Variants in SULT2B1 observed in about 807,000 individuals in gnomAD.
The protein encoded by SULT2B1 is sulfotransferase 2B1.
SULT2B1 carries 16 observed loss-of-function variants against 33.2 expected under a neutral mutation model. The ratio of observed to expected loss-of-function variants is 0.48; its 90% CI spans 0.33 to 0.73. SULT2B1 has a LOEUF of 0.73. Ranked by LOEUF, SULT2B1 falls within the 30% of genes least tolerant of loss-of-function variation. The pLI, the probability that SULT2B1 is intolerant of heterozygous loss-of-function variation, is 0.02. For synonymous variants in SULT2B1, 186 were observed against 200.5 expected (o/e 0.93, Z 0.61); for missense variants, 500 against 506.0 (o/e 0.99, Z 0.11).
Position 48,552,420 on chromosome 19 carries a change from C to T in SULT2B1, c.71+97C>T, listed in dbSNP as rs1023714892. 23 of 1,332,124 alleles carry T rather than the reference C, an allele frequency of 1.7e-5. No individual in the cohort carries two copies. Among genetic ancestry groups the T allele is most frequent in the Middle Eastern group, 2.3e-4 (1 of 4,290 alleles). The allele number at this position is 1,332,124 out of a possible 1,614,324, so 82.5% of individuals were successfully genotyped here. On this transcript the variant is annotated intron_variant, in intron 1 of 6. Transcript: ENST00000201586. The surrounding 1 kb of genome is among the most constrained non-coding windows in gnomAD (Gnocchi z 4.8). ...GTGGCAAGGGTGGCCTCCAGCCACC[C>T]GCAGCCGCAGGCCTGGCCCAGACTT...
In SULT2B1 at chr19:48,579,430, C is replaced by T. The variant is rs554001242; in HGVS notation, c.214+3347C>T. Among the ~76,000 whole-genome samples the T allele has an allele frequency of 7.3e-5, 11 of 151,604 alleles. 1 individual carries two copies. The South Asian group carries it at 2.3e-3, about 32-fold the overall frequency. Reference sequence around the variant, plus strand: ...CCCAATTAGCTGGGACTACAGGCGCCCACCACCATACCCAGCTAATTTTTT... The same window carrying T: ...CCCAATTAGCTGGGACTACAGGCGCTCACCACCATACCCAGCTAATTTTTT... On this transcript the variant is annotated intron_variant, in intron 2 of 6. Coordinates refer to ENST00000201586, the MANE Select transcript of SULT2B1 (RefSeq NM_177973.2).
At chr19:48,553,990 C>A (rs539258984) in intron 1 of SULT2B1, among the ~76,000 whole-genome samples, 1 of 152,024 alleles carries the variant, frequency 6.6e-6, no homozygotes, top group African/African-American at 2.4e-5. Context: ...ATCTCCGCGA[C>A]GGCTCTGCCA....
In SULT2B1 at chr19:48,564,551, CAAAAAAA is replaced by C. The variant is rs770217698; in HGVS notation, c.72-11372_72-11366del. Among the ~76,000 whole-genome samples the C allele has an allele frequency of 2.4e-4, 14 of 57,644 alleles. No homozygotes were observed. In the South Asian group the frequency reaches 3.7e-3, roughly 15 times the overall value. 37.8% of individuals were successfully genotyped at this position (57,644 alleles called of 152,430 possible). A position where few individuals can be genotyped will look rare whatever the true frequency, so the allele number is the denominator to read the frequency against. On this transcript the variant is annotated intron_variant, in intron 1 of 6. Coordinates refer to ENST00000201586, the MANE Select transcript of SULT2B1 (RefSeq NM_177973.2). ...TGGGCAACAGAGCGAGACTCCGTCT[CAAAAAAA>C]AAAAAAAAAAAAAAAAAGAAAGAAA...
intron 1 of SULT2B1, among the ~76,000 whole-genome samples, chr19:48,562,342 G>A (rs1175894790): frequency 2.0e-5 from 3 of 151,638 alleles, no homozygotes; most frequent in African/African-American, 7.3e-5. Flanking sequence ...GAGCTGAGAT[G>A]GCCATTGCAC....
chr19:48,564,577 A>G (rs1445659800), intron 1 of SULT2B1, among the ~76,000 whole-genome samples: 3 of 144,712 alleles, frequency 2.1e-5, no homozygotes, highest in Non-Finnish European at 3.0e-5. Context: ...AAAAAAAAAG[A>G]AAGAAAAAAA....
rs919520354 is a variant in SULT2B1, at chr19:48,584,299, T to G, written c.215-2930T>G. 1.7e-4 allele frequency among the ~76,000 whole-genome samples: 26 copies of G among 152,220 alleles called. 1 individual carries two copies. Among genetic ancestry groups the G allele is most frequent in the Non-Finnish European group, 3.2e-4 (22 of 68,018 alleles). ...CATGACCCACTGGGTGACTGAGAAG[T>G]TCACTGAAGTGCAACAGGCCACTGA... On this transcript the variant is annotated intron_variant, in intron 2 of 6. Coordinates refer to ENST00000201586, the MANE Select transcript of SULT2B1 (RefSeq NM_177973.2).
At chr19:48,569,654 A>G (rs78148216) in intron 1 of SULT2B1, among the ~76,000 whole-genome samples, 97,463 of 149,662 alleles carry the variant, frequency 0.65, 32,123 homozygotes, top group African/African-American at 0.76. Context: ...ATGAGCCACC[A>G]TGCCTGGCCT....
intron 2 of SULT2B1, among the ~76,000 whole-genome samples, chr19:48,581,893 T>A (rs977930022): frequency 1.2e-3 from 59 of 49,194 alleles, no homozygotes; most frequent in South Asian, 8.9e-3. Flanking sequence ...TATTATTATA[T>A]TATTATTATT....
At chr19:48,563,751 G>A (rs531018084) in intron 1 of SULT2B1, among the ~76,000 whole-genome samples, 1 of 152,002 alleles carries the variant, frequency 6.6e-6, no homozygotes, top group South Asian at 2.1e-4. Context: ...GATCACTTGA[G>A]GCCAGGAGTT....
At chr19:48,594,694 G>C (rs1973687225) in intron 5 of SULT2B1, among the ~76,000 whole-genome samples, 1 of 152,202 alleles carries the variant, frequency 6.6e-6, no homozygotes, top group Non-Finnish European at 1.5e-5. Context: ...GAGCTGACCA[G>C]AGGGCTGACC....
At chr19:48,595,668 GTTTTTTTTT>G (rs144835687) in intron 5 of SULT2B1, 1 of 20,070 alleles carries the variant, frequency 5.0e-5, no homozygotes, top group African/African-American at 7.2e-5. Flanking sequence ...TTTTTTTGTT[GTTTTTTTTT>G]TTTTTTTTGA....
intron 2 of SULT2B1, among the ~76,000 whole-genome samples, chr19:48,584,949 T>C (rs760100977): frequency 6.8e-6 from 1 of 147,892 alleles, no homozygotes; most frequent in East Asian, 2.0e-4. Flanking sequence ...CTTGGGAGGC[T>C]GAGGCAGGAG....
At chr19:48,580,100 C>CTT (rs35197699) in intron 2 of SULT2B1, among the ~76,000 whole-genome samples, 133 of 142,252 alleles carry the variant, frequency 9.3e-4, no homozygotes, top group African/African-American at 1.6e-3. Flanking sequence ...ATTAAAAAAA[C>CTT]TTTTTTTTTT....
chr19:48,595,071 G>T (rs541404609), intron 5 of SULT2B1, among the ~76,000 whole-genome samples: 4 of 151,712 alleles, frequency 2.6e-5, no homozygotes, highest in African/African-American at 9.7e-5. Context: ...TCACCCGAGG[G>T]TGGGAGTTCG....
Position 48,576,359 on chromosome 19 carries a change from C to CTTTTCTTTTTTTTTTTTTTTTTTTTTTT in SULT2B1, c.214+280_214+281insCTTTTTTTTTTTTTTTTTTTTTTTTTTT. Among the ~76,000 whole-genome samples, 12 of 96,712 alleles carry CTTTTCTTTTTTTTTTTTTTTTTTTTTTT rather than the reference C, an allele frequency of 1.2e-4. 1 individual carries two copies. The highest frequency in any genetic ancestry group is 4.3e-4 in the African/African-American group (10 of 23,308). 63.4% of individuals were successfully genotyped at this position (96,712 alleles called of 152,430 possible). A position where few individuals can be genotyped will look rare whatever the true frequency, so the allele number is the denominator to read the frequency against. On this transcript the variant is annotated intron_variant, in intron 2 of 6. Transcript: ENST00000201586. ...CCTTTCCCCTTTACCCTCTACTTCT[C>CTTTTCTTTTTTTTTTTTTTTTTTTTTTT]TTTTTTTTTTTTTTTTTTGTAGAGA... is the stretch of plus-strand genomic sequence containing the variant.
rs1199074104 is a variant in SULT2B1 at position 48,599,022 on chromosome 19, A to G, written c.827-113A>G. 2.3e-5 allele frequency: 34 copies of G among 1,473,018 alleles called. No homozygotes were observed. Among genetic ancestry groups the G allele is most frequent in the Non-Finnish European group, 3.6e-6 (4 of 1,116,366 alleles). The allele number at this position is 1,473,018 out of a possible 1,614,324, so 91.2% of individuals were successfully genotyped here. A position where few individuals can be genotyped will look rare whatever the true frequency, so the allele number is the denominator to read the frequency against. ...GGTAGGGAGGACGGTGTTTCTGGCA[A>G]AGGGAACACCTCGCCAAAGGCCGGG... On this transcript the variant is annotated intron_variant, in intron 6 of 6. Transcript: ENST00000201586. This position sits in a 1 kb window ranked among gnomAD's most constrained non-coding sequence, Gnocchi z 4.1.
chr19:48,561,747 C>T (rs890000650), intron 1 of SULT2B1, among the ~76,000 whole-genome samples: 3 of 152,096 alleles, frequency 2.0e-5, no homozygotes, highest in African/African-American at 7.2e-5. Flanking sequence ...GGACCTCGAA[C>T]CTAACGTGTG....
intron 4 of SULT2B1, among the ~76,000 whole-genome samples, chr19:48,592,450 A>C (rs576843494): frequency 1.3e-5 from 2 of 152,374 alleles, no homozygotes; most frequent in Admixed American, 6.5e-5. Flanking sequence ...TGCTGCTGTC[A>C]GAGACCCTGG....
At chr19:48,579,393 T>C (rs35747850) in intron 2 of SULT2B1, among the ~76,000 whole-genome samples, 28,019 of 150,000 alleles carry the variant, frequency 0.19, 2,794 homozygotes, top group East Asian at 0.41. Flanking sequence ...CGCCATTCTC[T>C]TGCCTCAGCC....
Sources: allele counts gnomAD v4.1 joint callset (sites outside exome capture counted in the v4.1 genomes callset), GRCh38; gene constraint gnomAD v4.1.1; non-coding constraint Gnocchi (gnomAD v3.1); transcripts MANE v1.5; gene names NCBI Gene and HGNC (gene_info 2026-07-23, HGNC 2026-07-21).